Variants in ENOX2 observed in about 807,000 individuals in gnomAD.
The protein encoded by ENOX2 is APK1 antigen.
ENOX2 carries 36 observed loss-of-function variants against 45.0 expected under a neutral mutation model. That is an observed-to-expected ratio of 0.80 (90% CI 0.61 to 1.06). The LOEUF is 1.06. Ranked by LOEUF, ENOX2 falls within the 50% of genes least tolerant of loss-of-function variation. The pLI is 0.00. For synonymous variants in ENOX2, 174 were observed against 152.3 expected (o/e 1.14, Z -1.05); for missense variants, 423 against 462.5 (o/e 0.91, Z 0.78).
At chrX:130,788,630 T>G (rs894975322) in intron 2 of ENOX2, among the ~76,000 whole-genome samples, 2 of 112,279 alleles carry the variant, frequency 1.8e-5, no homozygotes, top group Non-Finnish European at 3.8e-5. Flanking sequence ...TGATAATCAC[T>G]GTAAGAAAAA....
intron 4 of ENOX2, among the ~76,000 whole-genome samples, chrX:130,695,645 T>C (rs1439512978): frequency 8.9e-6 from 1 of 112,054 alleles, no homozygotes; most frequent in Non-Finnish European, 1.9e-5. Flanking sequence ...TAATTATATA[T>C]GCATAATTAA....
At chrX:130,887,531 T>C (rs1478639119) in intron 2 of ENOX2, among the ~76,000 whole-genome samples, 3 of 111,529 alleles carry the variant, frequency 2.7e-5, no homozygotes, top group Non-Finnish European at 5.7e-5. Flanking sequence ...AAGCAGGCAG[T>C]GGAAAATCCA....
chrX:130,790,357 T>C (rs1248644528), intron 2 of ENOX2, among the ~76,000 whole-genome samples: 2 of 111,816 alleles, frequency 1.8e-5, no homozygotes, highest in Non-Finnish European at 3.8e-5. Flanking sequence ...CCCAAACTAC[T>C]TGGTCAAGTC....
At chrX:130,716,816 TC>T (rs1204787116) in intron 3 of ENOX2, among the ~76,000 whole-genome samples, 2 of 112,506 alleles carry the variant, frequency 1.8e-5, no homozygotes, top group African/African-American at 6.5e-5. Context: ...GCAACAGTAG[TC>T]CAAATAGCAA....
intron 3 of ENOX2, among the ~76,000 whole-genome samples, chrX:130,746,045 T>C (rs1299524647): frequency 8.9e-6 from 1 of 112,309 alleles, no homozygotes; most frequent in East Asian, 2.8e-4. Context: ...CTGCAGCCTG[T>C]GATGAACTAT....
intron 2 of ENOX2, among the ~76,000 whole-genome samples, chrX:130,809,578 T>C (rs867766226): frequency 5.4e-5 from 6 of 111,990 alleles, no homozygotes; most frequent in African/African-American, 1.9e-4. Flanking sequence ...TTTGTTTTAT[T>C]ATCCACAATT....
intron 3 of ENOX2, among the ~76,000 whole-genome samples, chrX:130,758,073 T>A (rs2039396006): frequency 8.9e-6 from 1 of 112,238 alleles, no homozygotes; most frequent in South Asian, 3.7e-4. Flanking sequence ...AGTGCTGGGA[T>A]TATAGGCAAG....
In ENOX2 at chrX:130,781,571, T is replaced by C. The variant is rs780089377; in HGVS notation, c.-39+1976A>G. Among the ~76,000 whole-genome samples the C allele has an allele frequency of 1.1e-4, 12 of 112,064 alleles. No individual in the cohort carries two copies. In the South Asian group the frequency reaches 2.6e-3, roughly 24 times the overall value. ...GAGTTAACTGCAGTTCAGGAGGTAT[T>C]ACCCTAAACTCACACATCACTTAAC... On this transcript the variant is annotated intron_variant, in intron 3 of 14. Coordinates refer to ENST00000394363, the MANE Select transcript of ENOX2 (RefSeq NM_006375.4).
At chrX:130,712,643 A>G (rs777577746) in intron 3 of ENOX2, among the ~76,000 whole-genome samples, 8 of 111,456 alleles carry the variant, frequency 7.2e-5, no homozygotes, top group Non-Finnish European at 1.1e-4. Context: ...GCTTACCCTA[A>G]TGGAAGAATC....
intron 10 of ENOX2, among the ~76,000 whole-genome samples, chrX:130,644,465 A>G (rs1201753018): frequency 8.9e-6 from 1 of 112,673 alleles, no homozygotes; most frequent in Admixed American, 9.3e-5. Context: ...TTTATTCATA[A>G]TTGCTAAAAG....
intron 3 of ENOX2, among the ~76,000 whole-genome samples, chrX:130,719,211 C>T (rs1191135912): frequency 2.7e-5 from 3 of 111,254 alleles, no homozygotes; most frequent in African/African-American, 6.6e-5. Context: ...ACACAAGAGA[C>T]GCTCCATAAA....
intron 10 of ENOX2, among the ~76,000 whole-genome samples, chrX:130,646,704 A>T (rs1164939218): frequency 1.8e-5 from 2 of 112,339 alleles, no homozygotes; most frequent in African/African-American, 6.5e-5. Context: ...TTTTCACTGT[A>T]AAATTATTTA....
intron 2 of ENOX2, among the ~76,000 whole-genome samples, chrX:130,861,287 T>C (rs2078403922): frequency 9.0e-6 from 1 of 111,133 alleles, no homozygotes; most frequent in Admixed American, 9.5e-5. Context: ...ATCATTATCT[T>C]GAAGAGATAT....
At chrX:130,866,241 C>A (rs1018489958) in intron 2 of ENOX2, among the ~76,000 whole-genome samples, 6 of 111,425 alleles carry the variant, frequency 5.4e-5, no homozygotes, top group Admixed American at 1.9e-4. Flanking sequence ...TCCATTCCAG[C>A]AACTAGTTCC....
chrX:130,666,628 C>T (rs1402549425), intron 8 of ENOX2, among the ~76,000 whole-genome samples: 1 of 111,321 alleles, frequency 9.0e-6, no homozygotes, highest in Non-Finnish European at 1.9e-5. Context: ...ATGCGTGCTG[C>T]TTTCTCTTTT....
intron 2 of ENOX2, among the ~76,000 whole-genome samples, chrX:130,867,188 G>A (rs1462057453): frequency 1.8e-5 from 2 of 111,657 alleles, no homozygotes; most frequent in African/African-American, 3.2e-5. Context: ...TAGAAGGCAG[G>A]TGGATTCTAA....
intron 6 of ENOX2, among the ~76,000 whole-genome samples, chrX:130,674,442 C>A (rs1325539656): frequency 3.7e-5 from 4 of 107,310 alleles, no homozygotes; most frequent in Non-Finnish European, 7.7e-5. Flanking sequence ...AATTGGAGCA[C>A]CAAAAGACAG....
chrX:130,902,937 G>A, intron 1 of ENOX2, 112 bp downstream of exon 1: 1 of 109,304 alleles, frequency 9.1e-6, no homozygotes, highest in East Asian at 2.9e-4. Flanking sequence ...CAGAGGTGGA[G>A]CTGGGTGGAG....
chrX:130,678,192 T>C (rs1381869635), intron 6 of ENOX2, among the ~76,000 whole-genome samples: 5 of 111,190 alleles, frequency 4.5e-5, no homozygotes, highest in Non-Finnish European at 9.4e-5. Flanking sequence ...CAGGAGATTT[T>C]ATGCAAAGTA....
Sources: allele counts gnomAD v4.1 joint callset (sites outside exome capture counted in the v4.1 genomes callset), GRCh38; gene constraint gnomAD v4.1.1; transcripts MANE v1.5; gene names NCBI Gene and HGNC (gene_info 2026-07-23, HGNC 2026-07-21).